Variants in PCDH10 observed in about 807,000 individuals in gnomAD.
The protein encoded by PCDH10 is protocadherin-10.
A neutral mutation model predicts 74.4 loss-of-function variants in PCDH10; 15 were observed. That is an observed-to-expected ratio of 0.20 (90% CI 0.13 to 0.31). PCDH10 has a LOEUF of 0.31. Among genes scored for constraint, PCDH10 ranks in the 10% least tolerant of loss-of-function variants. The pLI, the probability that PCDH10 is intolerant of heterozygous loss-of-function variation, is 1.00. For synonymous variants in PCDH10, 619 were observed against 589.8 expected, an observed-to-expected ratio of 1.05 and a Z score of -0.72; for missense variants, 1,260 against 1,390.2, an observed-to-expected ratio of 0.91 and a Z score of 1.49.
chr4:133,170,621 C>G (rs2125866299), intron 4 of PCDH10, among the ~76,000 whole-genome samples: 1 of 152,200 alleles, frequency 6.6e-6, no homozygotes, highest in South Asian at 2.1e-4. Context: ...TTATCAGAAG[C>G]TGTTAACATG....
intron 3 of PCDH10, among the ~76,000 whole-genome samples, chr4:133,161,038 T>G (rs1003665813): frequency 4.6e-5 from 7 of 152,086 alleles, no homozygotes; most frequent in Non-Finnish European, 1.0e-4. Context: ...TCTTTTTTTC[T>G]TTTCACATAT....
At chr4:133,201,305 C>T (rs752863669) in intron 2 of PCDH10, among the ~76,000 whole-genome samples, 1 of 152,088 alleles carries the variant, frequency 6.6e-6, no homozygotes, top group Non-Finnish European at 1.5e-5. Flanking sequence ...TTCACCCCAT[C>T]GAAGGAGGTA....
Position 133,160,916 on chromosome 4 carries a change from C to T in PCDH10, c.2798-2061C>T, listed in dbSNP as rs535758919. Among the ~76,000 whole-genome samples, 6 of 152,130 alleles carry T rather than the reference C, an allele frequency of 3.9e-5. No homozygotes were observed. The East Asian group carries it at 1.2e-3, about 29-fold the overall frequency. Reference sequence around the variant, plus strand: ...AAAAAATCTATGTTCCCCCATCATTCTATTAATAAATAGGCAGCACTTATC... The same window carrying T: ...AAAAAATCTATGTTCCCCCATCATTTTATTAATAAATAGGCAGCACTTATC... On this transcript the variant is annotated intron_variant, in intron 3 of 4. Coordinates refer to ENST00000264360, the MANE Select transcript of PCDH10 (RefSeq NM_032961.3).
Position 133,150,060 on chromosome 4 carries a change from A to AT in PCDH10, c.-72dup, listed in dbSNP as rs568601479. The stretch of plus-strand genomic sequence containing the variant: ...CGCACTTTTATTTGTATTTTTTCAG[A>AT]TTTTTTTTTGTTTCGTGGTGGTGGG... On this transcript the variant is annotated 5_prime_UTR_variant, in exon 1 of 5. Coordinates refer to ENST00000264360, the MANE Select transcript of PCDH10 (RefSeq NM_032961.3). 1,404 of 1,427,168 alleles carry AT rather than the reference A, an allele frequency of 9.8e-4. 1 individual carries two copies. The highest frequency in any genetic ancestry group is 4.0e-3 in the African/African-American group (279 of 69,672). The allele number at this position is 1,427,168 out of a possible 1,614,324, so 88.4% of individuals were successfully genotyped here.
In PCDH10 at chr4:133,193,712, G is replaced by C. The variant is rs566160863; in HGVS notation, c.*3552G>C. ...GTGTTTTTCCCCCTCATGTTTCTAT[G>C]TGTGCTATTGATACCCAAGGAACTC... On this transcript the variant is annotated 3_prime_UTR_variant, in exon 5 of 5. Coordinates refer to ENST00000264360, the MANE Select transcript of PCDH10 (RefSeq NM_032961.3). The C allele has an allele frequency of 2.0e-4, 31 of 151,682 alleles. No homozygotes were observed. The highest frequency in any genetic ancestry group is 7.2e-4 in the African/African-American group (30 of 41,504). 9.4% of individuals were successfully genotyped at this position (151,682 alleles called of 1,614,324 possible).
At chr4:133,181,189 G>A (rs1260449958) in intron 4 of PCDH10, among the ~76,000 whole-genome samples, 1 of 151,800 alleles carries the variant, frequency 6.6e-6, no homozygotes, top group Non-Finnish European at 1.5e-5. Flanking sequence ...GGGATAAAAT[G>A]TAATCATAAT....
chr4:133,150,923 G>T lies in PCDH10; in HGVS notation c.783G>T (p.Glu261Asp). 1 of 1,613,870 alleles carries T rather than the reference G, an allele frequency of 6.2e-7. No homozygotes were observed. The highest frequency in any genetic ancestry group is 8.5e-7 in the Non-Finnish European group (1 of 1,180,036). Reference protein sequence around the residue: ...DQPVYTVSLPENSPPGTLVIQ... With the variant: ...DQPVYTVSLPDNSPPGTLVIQ... The stretch of plus-strand genomic sequence containing the variant: ...CCGTCTACACTGTGTCCCTACCAGA[G>T]AACTCTCCCCCAGGCACTCTCGTGA... Residue 261 changes from glutamate to aspartate, a missense_variant, in exon 1 of 5, where the codon GAG (glutamate) becomes GAT (aspartate). By Grantham distance (45) the Glu-to-Asp change is conservative. Coordinates refer to ENST00000264360, the MANE Select transcript of PCDH10 (RefSeq NM_032961.3).
intron 2 of PCDH10, among the ~76,000 whole-genome samples, chr4:133,206,979 T>C (rs1728020070): frequency 6.6e-6 from 1 of 152,144 alleles, no homozygotes; most frequent in East Asian, 1.9e-4. Context: ...AAATTTAAAA[T>C]ATTAATTGGT....
At chr4:133,196,983 A>C (rs1727808122), downstream of PCDH10, among the ~76,000 whole-genome samples, 1 of 152,194 alleles carries the variant, frequency 6.6e-6, no homozygotes, top group East Asian at 1.9e-4. Flanking sequence ...GCTGTGTCTA[A>C]GCAGTGCAAA....
At chr4:133,199,444 T>C (rs1288861363), downstream of PCDH10, among the ~76,000 whole-genome samples, 2 of 151,178 alleles carry the variant, frequency 1.3e-5, no homozygotes, top group African/African-American at 4.8e-5. Context: ...TGACTTAGAA[T>C]GGACTGGTAA....
At chr4:133,161,305 T>C (rs1726965478) in intron 3 of PCDH10, among the ~76,000 whole-genome samples, 1 of 152,114 alleles carries the variant, frequency 6.6e-6, no homozygotes, top group Admixed American at 6.6e-5. Flanking sequence ...CGCAGTGAGA[T>C]TAATATATGA....
chr4:133,173,491 G>A (rs1245984895), intron 4 of PCDH10, among the ~76,000 whole-genome samples: 4 of 151,896 alleles, frequency 2.6e-5, no homozygotes, highest in African/African-American at 9.7e-5. Context: ...AACTATATAC[G>A]TATGCCATCT....
Position 133,190,220 on chromosome 4 carries a change from A to G in PCDH10, c.*60A>G. 1 of 1,492,066 alleles carries G rather than the reference A, an allele frequency of 6.7e-7. No individual in the cohort carries two copies. Among genetic ancestry groups the G allele is most frequent in the Non-Finnish European group, 9.4e-7 (1 of 1,069,208 alleles). The allele number at this position is 1,492,066 out of a possible 1,614,324, so 92.4% of individuals were successfully genotyped here. A position where few individuals can be genotyped will look rare whatever the true frequency, so the allele number is the denominator to read the frequency against. On this transcript the variant is annotated 3_prime_UTR_variant, in exon 5 of 5. Coordinates refer to ENST00000264360, the MANE Select transcript of PCDH10 (RefSeq NM_032961.3). The stretch of plus-strand genomic sequence containing the variant: ...TTGCACAAAGTCGACCAACAAAAGC[A>G]TCAACTTTTCAACTTCATTATCTTG...
chr4:133,181,569 T>G (rs2125870381), intron 4 of PCDH10, among the ~76,000 whole-genome samples: 1 of 152,168 alleles, frequency 6.6e-6, no homozygotes, highest in Admixed American at 6.6e-5. Flanking sequence ...ATTCAAAGAT[T>G]ATCGTACACA....
intron 3 of PCDH10, among the ~76,000 whole-genome samples, chr4:133,158,352 C>T (rs1158182079): frequency 6.6e-6 from 1 of 151,812 alleles, no homozygotes; most frequent in East Asian, 1.9e-4. Context: ...GTCAATAATG[C>T]TAAGCTTAAT....
Position 133,203,640 on chromosome 4 carries a change from C to T in PCDH10, n.438-4436C>T, listed in dbSNP as rs1468092349. Among the ~76,000 whole-genome samples, 3 of 152,110 alleles carry T rather than the reference C, an allele frequency of 2.0e-5. No individual in the cohort carries two copies. The East Asian group carries it at 5.8e-4, about 29-fold the overall frequency. On this transcript the variant is annotated intron_variant and non_coding_transcript_variant, in intron 2 of 2. Transcript: ENST00000511112. ...ACCATTGTCTACTATAGGCATGCAG[C>T]CTTCCTCTTTTTTTAATCTCTCTGT...
intron 4 of PCDH10, among the ~76,000 whole-genome samples, chr4:133,174,709 T>G (rs1727259432): frequency 6.6e-6 from 1 of 151,452 alleles, no homozygotes; most frequent in African/African-American, 2.4e-5. Context: ...TTTTGATGGA[T>G]TAGAGTGAAT....
chr4:133,190,322 C>T lies in PCDH10; in HGVS notation c.*162C>T, dbSNP rs1727634057. 1.5e-6 allele frequency: 1 copy of T among 674,552 alleles called. No homozygotes were observed. The highest frequency in any genetic ancestry group is 2.7e-6 in the Non-Finnish European group (1 of 370,268). 41.8% of individuals were successfully genotyped at this position (674,552 alleles called of 1,614,324 possible). A position where few individuals can be genotyped will look rare whatever the true frequency, so the allele number is the denominator to read the frequency against. On this transcript the variant is annotated 3_prime_UTR_variant, in exon 5 of 5. Coordinates refer to ENST00000264360, the MANE Select transcript of PCDH10 (RefSeq NM_032961.3). ...CATGGCCAATTATAGGACCTAATTG[C>T]TCTCAGCAGGCCTGAGAAATGAGTT...
chr4:133,169,631 A>G (rs1178173006), intron 4 of PCDH10, among the ~76,000 whole-genome samples: 1 of 151,934 alleles, frequency 6.6e-6, no homozygotes, highest in Non-Finnish European at 1.5e-5. Context: ...CAATTAAAAT[A>G]TAAATAGAAT....
Sources: gnomAD v4.1 joint callset for allele counts (sites outside exome capture counted in the v4.1 genomes callset) on GRCh38, gnomAD v4.1.1 for gene constraint, MANE v1.5 for transcripts, NCBI Gene and HGNC (gene_info 2026-07-23, HGNC 2026-07-21) for gene names.